The following SLC1A1 variants were observed in gnomAD, a reference collection of about 807,000 sequenced individuals.
SLC1A1 encodes the protein excitatory amino acid transporter 3.
A neutral mutation model predicts 53.3 loss-of-function variants in SLC1A1; 43 were observed. The ratio of observed to expected loss-of-function variants is 0.81; its 90% confidence interval spans 0.63 to 1.04. The LOEUF (loss-of-function observed/expected upper bound fraction) is 1.04, where lower values mean the gene tolerates loss of function less well. Among genes scored for constraint, SLC1A1 ranks in the 50% least tolerant of loss-of-function variants. The pLI is 0.00. For missense variants in SLC1A1, 748 were observed against 664.9 expected, an observed-to-expected ratio of 1.12 and a Z score of -1.37; for synonymous variants, 307 against 243.2, an observed-to-expected ratio of 1.26 and a Z score of -2.44.
rs568653178 is a variant in SLC1A1, at chr9:4,526,085, G to C, written c.92-18482G>C. Among the ~76,000 whole-genome samples the C allele has an allele frequency of 2.0e-5, 3 of 152,084 alleles. No homozygotes were observed. In the East Asian group the frequency reaches 5.8e-4, roughly 29 times the overall value. On this transcript the variant is annotated intron_variant, in intron 1 of 11. Coordinates refer to ENST00000262352, the MANE Select transcript of SLC1A1 (RefSeq NM_004170.6). ...GGGTCAGTTGAGGCCAAGAGTTTGAGACCAGCCTAGGCAACACAGTGAGAC... is the reference window on the plus strand; with the variant it reads ...GGGTCAGTTGAGGCCAAGAGTTTGACACCAGCCTAGGCAACACAGTGAGAC...
At chr9:4,523,526 T>A (rs1816158168) in intron 1 of SLC1A1, among the ~76,000 whole-genome samples, 1 of 152,218 alleles carries the variant, frequency 6.6e-6, no homozygotes, top group Admixed American at 6.5e-5. Context: ...AAAATAAATG[T>A]CATAGACTGA....
At chr9:4,551,702 C>T (rs1017804372) in intron 2 of SLC1A1, among the ~76,000 whole-genome samples, 2 of 152,218 alleles carry the variant, frequency 1.3e-5, no homozygotes, top group African/African-American at 4.8e-5. Context: ...GGCAGGAAGA[C>T]AAGTTTGTTG....
At position 4,529,627 on chromosome 9, in the gene SLC1A1, A is replaced by G. The variant is rs7046808; in HGVS notation, c.92-14940A>G. 6.8e-3 allele frequency among the ~76,000 whole-genome samples: 1,033 copies of G among 152,288 alleles called. 11 individuals carry two copies. Among genetic ancestry groups the G allele is most frequent in the African/African-American group, 0.024 (994 of 41,572 alleles). ...AATATGCAGATGAATGAATAAGTGT[A>G]AGGAGGAATGAAGGATGAATTAGAT... On this transcript the variant is annotated intron_variant, in intron 1 of 11. Transcript: ENST00000262352.
intron 1 of SLC1A1, among the ~76,000 whole-genome samples, chr9:4,502,389 GA>G (rs775499017): frequency 0.015 from 825 of 56,350 alleles, 8 homozygotes; most frequent in African/African-American, 0.059. Context: ...CCTGTCTCCA[GA>G]AAAAAAAAAA....
intron 4 of SLC1A1, among the ~76,000 whole-genome samples, chr9:4,565,132 A>G (rs959937131): frequency 2.0e-5 from 3 of 152,196 alleles, no homozygotes; most frequent in Admixed American, 2.0e-4. Flanking sequence ...TTTAATTTCA[A>G]TAATCTTCCC....
At chr9:4,507,953 G>C (rs1820859270) in intron 1 of SLC1A1, among the ~76,000 whole-genome samples, 1 of 152,266 alleles carries the variant, frequency 6.6e-6, no homozygotes, top group African/African-American at 2.4e-5. Context: ...TAAAGAGGCA[G>C]TGATCTGGGA....
At chr9:4,495,007 G>A (rs1820363636) in intron 1 of SLC1A1, among the ~76,000 whole-genome samples, 1 of 152,168 alleles carries the variant, frequency 6.6e-6, no homozygotes, top group South Asian at 2.1e-4. Context: ...GGAGCGCTAA[G>A]GAAGCAATCA....
At chr9:4,516,055 T>C (rs1182087911) in intron 1 of SLC1A1, among the ~76,000 whole-genome samples, 1 of 152,212 alleles carries the variant, frequency 6.6e-6, no homozygotes, top group African/African-American at 2.4e-5. Context: ...TTCCAGATCC[T>C]GTTAGAGAGC....
At chr9:4,527,548 A>G (rs1212162373) in intron 1 of SLC1A1, among the ~76,000 whole-genome samples, 1 of 152,184 alleles carries the variant, frequency 6.6e-6, no homozygotes, top group African/African-American at 2.4e-5. Flanking sequence ...ATGGTATACT[A>G]CATTTGCCAT....
chr9:4,559,642 G>T (rs552030096), intron 2 of SLC1A1, among the ~76,000 whole-genome samples: 32 of 152,246 alleles, frequency 2.1e-4, no homozygotes, highest in Non-Finnish European at 4.0e-4. Flanking sequence ...TTCCCTTGGG[G>T]TTGCCTTGTG....
Position 4,585,900 on chromosome 9 carries a change from G to A in SLC1A1, c.*342G>A, listed in dbSNP as rs1821535772. 1 of 219,276 alleles carries A rather than the reference G, an allele frequency of 4.6e-6. No homozygotes were observed. The highest frequency in any genetic ancestry group is 5.3e-5 in the Admixed American group (1 of 19,042). The allele number at this position is 219,276 out of a possible 1,614,324, so 13.6% of individuals were successfully genotyped here. A position where few individuals can be genotyped will look rare whatever the true frequency, so the allele number is the denominator to read the frequency against. ...AATGCTTTCTCATGCATAGACAAGTGTTTTGGGTTTTTAAAAAAAATATTC... is the reference window on the plus strand; with the variant it reads ...AATGCTTTCTCATGCATAGACAAGTATTTTGGGTTTTTAAAAAAAATATTC... On this transcript the variant is annotated 3_prime_UTR_variant, in exon 12 of 12. Coordinates refer to ENST00000262352, the MANE Select transcript of SLC1A1 (RefSeq NM_004170.6).
chr9:4,584,702 C>G (rs1457207017), intron 11 of SLC1A1, among the ~76,000 whole-genome samples: 1 of 152,182 alleles, frequency 6.6e-6, no homozygotes, highest in Non-Finnish European at 1.5e-5. Context: ...CTTCCCCAGG[C>G]TCTCTGGAAA....
chr9:4,497,974 G>A (rs558636416), intron 1 of SLC1A1, among the ~76,000 whole-genome samples: 1 of 152,276 alleles, frequency 6.6e-6, no homozygotes, highest in East Asian at 1.9e-4. Context: ...TTGAAAAAGA[G>A]TTGAAAACAA....
intron 2 of SLC1A1, among the ~76,000 whole-genome samples, chr9:4,548,435 A>C (rs1469271336): frequency 2.6e-5 from 4 of 152,184 alleles, no homozygotes; most frequent in Admixed American, 6.5e-5. Flanking sequence ...AAGCAGAAAC[A>C]CAGCTAGAAT....
chr9:4,570,828 G>C (rs1819960530), intron 6 of SLC1A1, among the ~76,000 whole-genome samples: 1 of 151,614 alleles, frequency 6.6e-6, no homozygotes, highest in South Asian at 2.1e-4. Flanking sequence ...AGGATCACTT[G>C]AGCCCTCCTT....
chr9:4,491,088 G>C (rs1019518269), intron 1 of SLC1A1, among the ~76,000 whole-genome samples: 1 of 152,208 alleles, frequency 6.6e-6, no homozygotes. Context: ...TTGAAAACAG[G>C]GTTCGATTTT....
intron 1 of SLC1A1, among the ~76,000 whole-genome samples, chr9:4,505,291 C>G (rs1382046376): frequency 6.6e-6 from 1 of 152,008 alleles, no homozygotes; most frequent in Non-Finnish European, 1.5e-5. Flanking sequence ...TCAGGTGATC[C>G]ACCTGCCTTG....
chr9:4,511,909 T>A (rs899185464), intron 1 of SLC1A1, among the ~76,000 whole-genome samples: 1 of 152,230 alleles, frequency 6.6e-6, no homozygotes, highest in African/African-American at 2.4e-5. Context: ...AAATCACTTG[T>A]TATTTCTATA....
intron 1 of SLC1A1, among the ~76,000 whole-genome samples, chr9:4,497,475 A>G (rs1002468077): frequency 8.5e-5 from 13 of 152,234 alleles, no homozygotes; most frequent in African/African-American, 3.1e-4. Flanking sequence ...CACATTGCAC[A>G]GTAGGGTGAA....
Sources: allele counts gnomAD v4.1 joint callset (sites outside exome capture counted in the v4.1 genomes callset), GRCh38; gene constraint gnomAD v4.1.1; transcripts MANE v1.5; gene names NCBI Gene and HGNC (gene_info 2026-07-23, HGNC 2026-07-21).